CDH19: variants seen among roughly 807,000 people sequenced by gnomAD.
CDH19 encodes the protein cadherin 19, also known as cadherin-19.
Under a neutral mutation model 64.2 loss-of-function variants are expected in CDH19, and 67 were observed. That is an observed-to-expected ratio of 1.04 (90% CI 0.86 to 1.28). CDH19 has a LOEUF of 1.28. Among genes scored for constraint, CDH19 ranks in the 50% most tolerant of loss-of-function variants. The pLI is 0.00. For missense variants in CDH19, 1,030 were observed against 929.0 expected, an observed-to-expected ratio of 1.11 and a Z score of -1.41; for synonymous variants, 346 against 319.3, an observed-to-expected ratio of 1.08 and a Z score of -0.89.
intron 9 of CDH19, among the ~76,000 whole-genome samples, chr18:66,517,398 C>G (rs149641524): frequency 6.5e-4 from 99 of 152,102 alleles, no homozygotes; most frequent in Non-Finnish European, 1.2e-3. Context: ...TAATGGCACT[C>G]AGTGATTTGA....
chr18:66,521,523 TTTTGTTTG>T (rs35679402), intron 9 of CDH19, among the ~76,000 whole-genome samples: 31 of 145,918 alleles, frequency 2.1e-4, no homozygotes, highest in South Asian at 8.9e-4. Flanking sequence ...TATTTATTTA[TTTTGTTTG>T]TTTGTTTGTT....
rs573898295 is a variant in CDH19, at chr18:66,577,292, T to G, written c.-112-4976A>C. Reference sequence around the variant, plus strand: ...GGCTTAGAATAACTCAAAGAACATTTTAAAAGAAGAGGAAATTTGGAAGAC... The same window carrying G: ...GGCTTAGAATAACTCAAAGAACATTGTAAAAGAAGAGGAAATTTGGAAGAC... On this transcript the variant is annotated intron_variant, in intron 1 of 11. Transcript: ENST00000262150. 2.1e-4 allele frequency among the ~76,000 whole-genome samples: 32 copies of G among 151,978 alleles called. No individual in the cohort carries two copies. The East Asian group carries it at 3.7e-3, about 17-fold the overall frequency.
intron 1 of CDH19, among the ~76,000 whole-genome samples, chr18:66,581,308 A>C (rs1415106602): frequency 6.6e-6 from 1 of 152,166 alleles, no homozygotes; most frequent in African/African-American, 2.4e-5. Flanking sequence ...TATTATAAGA[A>C]GAAACAACAT....
At chr18:66,556,873 T>C (rs1162505316) in intron 3 of CDH19, among the ~76,000 whole-genome samples, 2 of 151,906 alleles carry the variant, frequency 1.3e-5, no homozygotes, top group African/African-American at 4.8e-5. Context: ...AAATATCACT[T>C]CACACTTGTT....
chr18:66,513,753 A>C lies in CDH19; in HGVS notation c.1459-2068T>G, dbSNP rs79526747. 2.8e-4 allele frequency among the ~76,000 whole-genome samples: 43 copies of C among 151,638 alleles called. No homozygotes were observed. In the East Asian group the frequency reaches 8.1e-3, roughly 29 times the overall value. On this transcript the variant is annotated intron_variant, in intron 9 of 11. Transcript: ENST00000262150. ...TTATGAAAGGAGTAAAGATAAATTAAAAGGTAAAAGTATATACCAAGAACA... is the reference window on the plus strand; with the variant it reads ...TTATGAAAGGAGTAAAGATAAATTACAAGGTAAAAGTATATACCAAGAACA...
At chr18:66,505,408 A>G (rs897564584) in intron 11 of CDH19, 106 bp from the exon 12 acceptor site, 27 of 841,434 alleles carry the variant, frequency 3.2e-5, no homozygotes, top group South Asian at 1.8e-4. Context: ...AAACTTTATG[A>G]TTATAAAACA....
chr18:66,545,843 AT>A (rs1378663546), intron 5 of CDH19, among the ~76,000 whole-genome samples: 1 of 152,164 alleles, frequency 6.6e-6, no homozygotes, highest in Non-Finnish European at 1.5e-5. Flanking sequence ...AGTGAATGTA[AT>A]ATAAAAAACA....
intron 1 of CDH19, among the ~76,000 whole-genome samples, chr18:66,582,024 T>C (rs569069569): frequency 2.6e-5 from 4 of 152,282 alleles, no homozygotes; most frequent in East Asian, 1.9e-4. Context: ...AAGTGTATTC[T>C]ATACACTGTA....
chr18:66,518,952 A>C (rs1400884361), intron 9 of CDH19, among the ~76,000 whole-genome samples: 1 of 152,198 alleles, frequency 6.6e-6, no homozygotes, highest in East Asian at 1.9e-4. Flanking sequence ...CAGACACTTC[A>C]TTCAGCTAAA....
chr18:66,548,902 G>C (rs1329147874), intron 5 of CDH19, among the ~76,000 whole-genome samples: 2 of 152,098 alleles, frequency 1.3e-5, no homozygotes, highest in African/African-American at 4.8e-5. Flanking sequence ...AACATGTTTC[G>C]ATGTGATAGA....
intron 5 of CDH19, among the ~76,000 whole-genome samples, chr18:66,545,538 G>T (rs879547584): frequency 2.0e-5 from 3 of 151,748 alleles, no homozygotes; most frequent in Admixed American, 2.0e-4. Flanking sequence ...TCTTAGGAAA[G>T]TCTATCACCA....
chr18:66,586,937 C>T (rs919767227), intron 1 of CDH19, among the ~76,000 whole-genome samples: 6 of 152,104 alleles, frequency 3.9e-5, no homozygotes, highest in Admixed American at 3.3e-4. Flanking sequence ...CTTATATTAA[C>T]ATTTTAATTT....
intron 1 of CDH19, among the ~76,000 whole-genome samples, chr18:66,597,081 C>CAAAAA (rs35253366): frequency 0.019 from 493 of 26,266 alleles, 37 homozygotes; most frequent in African/African-American, 0.057. Flanking sequence ...GACTCCATCT[C>CAAAAA]AAAAAAAAAA....
chr18:66,561,493 AT>A (rs1987721630), intron 3 of CDH19, among the ~76,000 whole-genome samples: 1 of 152,168 alleles, frequency 6.6e-6, no homozygotes, highest in African/African-American at 2.4e-5. Context: ...AGTAAGCAGA[AT>A]TGGGTAACTA....
chr18:66,551,255 A>G lies in CDH19; in HGVS notation c.614T>C (p.Val205Ala). Residue 205 changes from valine (V) to alanine (A), a missense_variant, in exon 5 of 12, where the codon GTC becomes GCC. Transcript: ENST00000262150. ...PYFSVEPTTGVIRISSKMDRE... is the reference protein window; with the variant it reads ...PYFSVEPTTGAIRISSKMDRE... Reference sequence around the variant, plus strand: ...ATCCATTTTAGAAGATATTCTTATGACTCCTTTAAAAATATAATAAAATTC... The same window carrying G: ...ATCCATTTTAGAAGATATTCTTATGGCTCCTTTAAAAATATAATAAAATTC... 1 of 1,366,716 alleles carries G rather than the reference A, an allele frequency of 7.3e-7. No individual in the cohort carries two copies. The highest frequency in any genetic ancestry group is 1.2e-5 in the South Asian group (1 of 82,046). The allele number at this position is 1,366,716 out of a possible 1,614,324, so 84.7% of individuals were successfully genotyped here.
intron 4 of CDH19, 45 bp downstream of exon 4, chr18:66,554,360 T>A: frequency 1.3e-6 from 2 of 1,599,714 alleles, no homozygotes; most frequent in Non-Finnish European, 1.7e-6. Context: ...GACAATTGCC[T>A]TCTTTAGAAT....
rs886936688 is a variant in CDH19 at position 66,593,349 on chromosome 18, A to C, written c.-113+10605T>G. Among the ~76,000 whole-genome samples the C allele has an allele frequency of 3.9e-5, 6 of 152,020 alleles. No homozygotes were observed. In the South Asian group the frequency reaches 1.2e-3, roughly 31 times the overall value. On this transcript the variant is annotated intron_variant, in intron 1 of 11. Coordinates refer to ENST00000262150, the MANE Select transcript of CDH19 (RefSeq NM_021153.4). ...CTCTATCTTAAAGAAATAAATTGAT[A>C]TCTAAAATGTTCTTATACAAAAAAA...
intron 4 of CDH19, among the ~76,000 whole-genome samples, chr18:66,553,620 T>C (rs1236642528): frequency 1.5e-5 from 2 of 134,200 alleles, no homozygotes; most frequent in Non-Finnish European, 1.5e-5. Flanking sequence ...CATAGAATTT[T>C]ACTTCTTTGG....
intron 1 of CDH19, among the ~76,000 whole-genome samples, chr18:66,584,054 A>G (rs573581586): frequency 6.6e-6 from 1 of 152,252 alleles, no homozygotes; most frequent in South Asian, 2.1e-4. Context: ...CTATTAACAG[A>G]CTAAACAGGA....
Sources: allele counts gnomAD v4.1 joint callset (sites outside exome capture counted in the v4.1 genomes callset), GRCh38; gene constraint gnomAD v4.1.1; transcripts MANE v1.5; gene names NCBI Gene and HGNC (gene_info 2026-07-23, HGNC 2026-07-21).